The following EFCAB3 variants were observed in gnomAD, a reference collection of about 807,000 sequenced individuals.
EFCAB3 encodes the protein EF-hand calcium binding domain 3, also known as EF-hand calcium-binding domain-containing protein 3.
EFCAB3 carries 36 observed loss-of-function variants against 42.2 expected under a neutral mutation model. The ratio of observed to expected loss-of-function variants is 0.85; its 90% confidence interval spans 0.65 to 1.13. The LOEUF (loss-of-function observed/expected upper bound fraction) is 1.13. EFCAB3 is among the 50% of genes most tolerant of loss of function. The pLI is 0.00. For missense variants in EFCAB3, 418 were observed against 505.1 expected (o/e 0.83, Z 1.65); for synonymous variants, 170 against 172.8 (o/e 0.98, Z 0.13).
intron 8 of EFCAB3, among the ~76,000 whole-genome samples, chr17:62,412,467 TTTG>T (rs1366787217): frequency 1.3e-5 from 2 of 152,050 alleles, no homozygotes; most frequent in Non-Finnish European, 2.9e-5. Flanking sequence ...CCAAGGGTTT[TTTG>T]TTGTTGTTGT....
chr17:62,391,652 C>T (rs185254982), intron 3 of EFCAB3, among the ~76,000 whole-genome samples, 170 bp from the exon 4 acceptor site: 1 of 152,086 alleles, frequency 6.6e-6, no homozygotes, highest in Non-Finnish European at 1.5e-5. Context: ...GTTCAAGTTC[C>T]GTGGAAGGAT....
chr17:62,401,140 A>AT lies in EFCAB3; in HGVS notation c.489-5334dup, dbSNP rs201038469. Among the ~76,000 whole-genome samples, 794 of 151,812 alleles carry AT rather than the reference A, an allele frequency of 5.2e-3. 7 individuals carry two copies. Among genetic ancestry groups the AT allele is most frequent in the African/African-American group, 0.018 (753 of 41,414 alleles). On this transcript the variant is annotated intron_variant, in intron 6 of 9. Coordinates refer to ENST00000305286, the MANE Select transcript of EFCAB3 (RefSeq NM_173503.4). ...ACCCACTTTTTGATTAGGTTGTTTG[A>AT]TTTTTTCTTGTAAATTTGTTTAAGT...
intron 8 of EFCAB3, among the ~76,000 whole-genome samples, chr17:62,410,221 T>G (rs1660999590): frequency 6.6e-6 from 1 of 151,410 alleles, no homozygotes; most frequent in Non-Finnish European, 1.5e-5. Context: ...AAATAAATGT[T>G]CATTAGAACC....
chr17:62,373,279 CA>C (rs66484718), intron 1 of EFCAB3, among the ~76,000 whole-genome samples: 8,401 of 131,838 alleles, frequency 0.064, 543 homozygotes, highest in African/African-American at 0.19. Context: ...GACCCTGCCT[CA>C]AAAAAAAAAA....
chr17:62,394,321 T>A (rs564713123), intron 5 of EFCAB3, among the ~76,000 whole-genome samples: 5 of 152,220 alleles, frequency 3.3e-5, no homozygotes, highest in South Asian at 4.2e-4. Flanking sequence ...TTAAAAAAAA[T>A]TTATGTTTCA....
At chr17:62,409,585 A>T (rs1352440126) in intron 8 of EFCAB3, among the ~76,000 whole-genome samples, 1 of 151,886 alleles carries the variant, frequency 6.6e-6, no homozygotes, top group Non-Finnish European at 1.5e-5. Flanking sequence ...TAAAATAAAA[A>T]TTTTTGAACA....
chr17:62,408,525 C>A (rs780958627), intron 8 of EFCAB3, among the ~76,000 whole-genome samples: 1 of 152,120 alleles, frequency 6.6e-6, no homozygotes, highest in Non-Finnish European at 1.5e-5. Flanking sequence ...CTGAGCCTTC[C>A]AATAATTGTA....
rs1356705993 is a variant in EFCAB3 at position 62,404,017 on chromosome 17, GCT to G, written c.489-2457_489-2456del. 4.6e-5 allele frequency among the ~76,000 whole-genome samples: 7 copies of G among 152,152 alleles called. No individual in the cohort carries two copies. In the East Asian group the frequency reaches 1.4e-3, roughly 29 times the overall value. On this transcript the variant is annotated intron_variant, in intron 6 of 9. Coordinates refer to ENST00000305286, the MANE Select transcript of EFCAB3 (RefSeq NM_173503.4). Reference sequence around the variant, plus strand: ...TAACTCGGGTCCTCAAATACTCCATGCTCTCTCACCTCCTGGTATTTGCCTAA... The same window carrying G: ...TAACTCGGGTCCTCAAATACTCCATGCTCTCACCTCCTGGTATTTGCCTAA...
intron 8 of EFCAB3, among the ~76,000 whole-genome samples, chr17:62,407,747 T>A (rs2070460976): frequency 1.3e-5 from 2 of 152,120 alleles, no homozygotes; most frequent in South Asian, 2.1e-4. Context: ...AGTTTTAAGG[T>A]CTCCAGCAAC....
chr17:62,393,910 T>G (rs1347566377), intron 5 of EFCAB3, among the ~76,000 whole-genome samples: 2 of 152,044 alleles, frequency 1.3e-5, no homozygotes, highest in African/African-American at 2.4e-5. Flanking sequence ...AAAGAGTGAC[T>G]GGTGTAGAAA....
At chr17:62,402,593 T>A (rs1204624267) in intron 6 of EFCAB3, among the ~76,000 whole-genome samples, 1 of 152,220 alleles carries the variant, frequency 6.6e-6, no homozygotes, top group Admixed American at 6.5e-5. Flanking sequence ...GGGTTATGTT[T>A]ATTGATTTGC....
At chr17:62,380,402 T>C (rs1022451537), upstream of EFCAB3, among the ~76,000 whole-genome samples, 1 of 152,250 alleles carries the variant, frequency 6.6e-6, no homozygotes, top group African/African-American at 2.4e-5. Context: ...TCAGATTTTA[T>C]AAATCATACC....
intron 8 of EFCAB3, among the ~76,000 whole-genome samples, chr17:62,412,995 T>G (rs1368069677): frequency 1.3e-5 from 2 of 152,028 alleles, no homozygotes; most frequent in African/African-American, 2.4e-5. Flanking sequence ...TGCAAATGGA[T>G]GAAATGTAAA....
chr17:62,376,380 C>T (rs2070150839), upstream of EFCAB3, among the ~76,000 whole-genome samples: 1 of 152,140 alleles, frequency 6.6e-6, no homozygotes, highest in Non-Finnish European at 1.5e-5. Flanking sequence ...AGGAGAACCA[C>T]TTGAACCTGG....
chr17:62,377,903 C>G, upstream of EFCAB3: 1 of 1,303,268 alleles, frequency 7.7e-7, no homozygotes, highest in Non-Finnish European at 1.1e-6. Flanking sequence ...AAATTATGCC[C>G]TCCTAGTCTA....
intron 2 of EFCAB3, among the ~76,000 whole-genome samples, chr17:62,384,189 A>G (rs1295842207): frequency 6.6e-6 from 1 of 152,198 alleles, no homozygotes; most frequent in Non-Finnish European, 1.5e-5. Flanking sequence ...GGGAATTCCT[A>G]CATTAGATGG....
intron 6 of EFCAB3, among the ~76,000 whole-genome samples, chr17:62,398,534 T>C (rs192456239): frequency 9.5e-5 from 14 of 148,138 alleles, no homozygotes; most frequent in African/African-American, 3.5e-4. Flanking sequence ...GCCACCATAG[T>C]GGCACAGGCC....
At chr17:62,371,277 G>C (rs112996274) in intron 1 of EFCAB3, among the ~76,000 whole-genome samples, 1 of 151,864 alleles carries the variant, frequency 6.6e-6, no homozygotes, top group Admixed American at 6.6e-5. Flanking sequence ...CTGACTTGCC[G>C]GGCGCGGTGG....
In EFCAB3 at chr17:62,413,803, C is replaced by T. The variant is rs1434798739; in HGVS notation, c.939C>T (p.Leu313=). 1.2e-6 allele frequency: 2 copies of T among 1,613,540 alleles called. No homozygotes were observed. The highest frequency in any genetic ancestry group is 1.1e-5 in the South Asian group (1 of 91,002). The stretch of plus-strand genomic sequence containing the variant: ...ACATCTTCACCATTGATCAAATGCT[C>T]AAGAAAAAGCAGACTTGTACAGTGG... The part of the protein sequence containing the change: ...SNNIFTIDQM[L]KKKQTCTVAD... The change falls in exon 9 of 10, where the codon CTC becomes CTT. Residue 313 remains leucine, a synonymous_variant. Transcript: ENST00000305286.
Sources: gnomAD v4.1 joint callset for allele counts (sites outside exome capture counted in the v4.1 genomes callset) on GRCh38, gnomAD v4.1.1 for gene constraint, MANE v1.5 for transcripts, NCBI Gene and HGNC (gene_info 2026-07-23, HGNC 2026-07-21) for gene names.